The following SCAPER variants were observed in gnomAD, a reference collection of about 807,000 sequenced individuals.
SCAPER encodes the protein S phase cyclin A-associated protein in the endoplasmic reticulum.
In SCAPER, 98 loss-of-function variants were observed where a neutral mutation model predicts 182.2. The ratio of observed to expected loss-of-function variants is 0.54; its 90% CI spans 0.46 to 0.64. SCAPER has a LOEUF of 0.64. Ranked by LOEUF, SCAPER falls within the 30% of genes least tolerant of loss-of-function variation. SCAPER has a pLI of 0.00. For missense variants in SCAPER, 1,432 were observed against 1,690.0 expected (o/e 0.85, Z 2.68); for synonymous variants, 605 against 564.6 (o/e 1.07, Z -1.01).
chr15:76,483,136 T>C (rs1297028443), intron 24 of SCAPER, among the ~76,000 whole-genome samples: 1 of 151,786 alleles, frequency 6.6e-6, no homozygotes, highest in African/African-American at 2.4e-5. Flanking sequence ...GTGGTATTGG[T>C]GAAAAAAATA....
At chr15:76,667,838 C>A (rs2056729277) in intron 20 of SCAPER, among the ~76,000 whole-genome samples, 1 of 151,396 alleles carries the variant, frequency 6.6e-6, no homozygotes. Context: ...CTGTACATAC[C>A]TGTAATCCCA....
intron 17 of SCAPER, among the ~76,000 whole-genome samples, chr15:76,724,229 T>C (rs928715430): frequency 2.6e-5 from 4 of 151,336 alleles, no homozygotes; most frequent in Admixed American, 6.6e-5. Flanking sequence ...AAAATTCTTT[T>C]CTTTAAGAAT....
chr15:76,748,279 C>T (rs548756843), intron 15 of SCAPER, among the ~76,000 whole-genome samples: 20 of 152,146 alleles, frequency 1.3e-4, no homozygotes, highest in Admixed American at 8.5e-4. Context: ...CGTGAGCCAC[C>T]GCGCCTGGCC....
intron 5 of SCAPER, among the ~76,000 whole-genome samples, chr15:76,834,279 C>T (rs377396057): frequency 6.6e-6 from 1 of 152,044 alleles, no homozygotes; most frequent in Non-Finnish European, 1.5e-5. Context: ...AGATAGAAAT[C>T]AAAAAATTCT....
intron 29 of SCAPER, among the ~76,000 whole-genome samples, chr15:76,372,774 A>G (rs2042269786): frequency 6.6e-6 from 1 of 152,220 alleles, no homozygotes; most frequent in Non-Finnish European, 1.5e-5. Context: ...TTTTAGGTAA[A>G]CCATGAATGT....
chr15:76,710,816 T>C (rs1475419366), intron 17 of SCAPER, among the ~76,000 whole-genome samples: 1 of 152,068 alleles, frequency 6.6e-6, no homozygotes, highest in Non-Finnish European at 1.5e-5. Flanking sequence ...GTTGGAGTAT[T>C]TATACTAATT....
At chr15:76,468,237 G>T (rs1332129672) in intron 25 of SCAPER, among the ~76,000 whole-genome samples, 2 of 151,820 alleles carry the variant, frequency 1.3e-5, no homozygotes, top group African/African-American at 4.8e-5. Flanking sequence ...CACAAACCCA[G>T]TTACAGCAAC....
intron 5 of SCAPER, among the ~76,000 whole-genome samples, chr15:76,818,476 T>C (rs2067256724): frequency 6.6e-6 from 1 of 152,130 alleles, no homozygotes; most frequent in Non-Finnish European, 1.5e-5. Flanking sequence ...CAAAAACTTC[T>C]GCTCTGCAAA....
At chr15:76,664,666 A>G (rs542248039) in intron 21 of SCAPER, among the ~76,000 whole-genome samples, 82 of 152,276 alleles carry the variant, frequency 5.4e-4, no homozygotes, top group African/African-American at 2.0e-3. Flanking sequence ...TAAAACATTC[A>G]AAAGTATCAA....
At chr15:76,533,657 G>C (rs115557065) in intron 23 of SCAPER, among the ~76,000 whole-genome samples, 7 of 122,820 alleles carry the variant, frequency 5.7e-5, no homozygotes, top group Middle Eastern at 3.6e-3. Context: ...CATATCTTAA[G>C]CAATGTTAAA....
At chr15:76,642,620 A>G (rs779198518) in intron 21 of SCAPER, among the ~76,000 whole-genome samples, 1 of 152,166 alleles carries the variant, frequency 6.6e-6, no homozygotes, top group Non-Finnish European at 1.5e-5. Context: ...TATTACCAGC[A>G]ACGCACAGAT....
At chr15:76,579,956 T>A (rs1175714246) in intron 22 of SCAPER, among the ~76,000 whole-genome samples, 1 of 152,102 alleles carries the variant, frequency 6.6e-6, no homozygotes, top group Admixed American at 6.5e-5. Context: ...AAAGGGTCAA[T>A]TCAGTAAAAC....
intron 2 of SCAPER, among the ~76,000 whole-genome samples, chr15:76,875,834 T>A (rs1156238272): frequency 6.6e-6 from 1 of 151,538 alleles, no homozygotes; most frequent in East Asian, 1.9e-4. Flanking sequence ...ACCCAAAGAG[T>A]GAGCAGCAGC....
chr15:76,714,809 C>A (rs919256616), intron 17 of SCAPER, among the ~76,000 whole-genome samples: 1 of 152,036 alleles, frequency 6.6e-6, no homozygotes, highest in African/African-American at 2.4e-5. Flanking sequence ...TAATTTATAT[C>A]GGTAAATTGC....
intron 8 of SCAPER, among the ~76,000 whole-genome samples, chr15:76,783,161 GAAGA>G (rs978334973): frequency 3.9e-4 from 60 of 151,996 alleles, no homozygotes; most frequent in African/African-American, 1.4e-3. Context: ...AGAAAAGAGA[GAAGA>G]ATCAAATAGA....
intron 15 of SCAPER, among the ~76,000 whole-genome samples, chr15:76,735,546 A>G (rs1210644728): frequency 6.6e-6 from 1 of 151,682 alleles, no homozygotes; most frequent in Non-Finnish European, 1.5e-5. Context: ...AAAATACAAA[A>G]AAAAAATTAG....
intron 20 of SCAPER, among the ~76,000 whole-genome samples, chr15:76,685,395 T>C (rs2147059656): frequency 6.6e-6 from 1 of 152,192 alleles, no homozygotes; most frequent in African/African-American, 2.4e-5. Flanking sequence ...GTAGTGTGAT[T>C]ATTTACATAG....
Position 76,581,415 on chromosome 15 carries a change from T to C in SCAPER, c.2712-7131A>G, listed in dbSNP as rs558979229. On this transcript the variant is annotated intron_variant, in intron 22 of 31. Transcript: ENST00000563290. ...ACTGATATAAAAATCCTCAACAAAA[T>C]ACAAGCAAATGGAATTCAACAACAC... Among the ~76,000 whole-genome samples, 3 of 152,138 alleles carry C rather than the reference T, an allele frequency of 2.0e-5. No individual in the cohort carries two copies. The South Asian group carries it at 6.2e-4, about 32-fold the overall frequency.
chr15:76,576,363 A>T (rs188183929), intron 22 of SCAPER, among the ~76,000 whole-genome samples: 1 of 152,322 alleles, frequency 6.6e-6, no homozygotes, highest in Non-Finnish European at 1.5e-5. Flanking sequence ...TCATCTCTAA[A>T]AAGAAAAAAA....
Sources: gnomAD v4.1 joint callset for allele counts (sites outside exome capture counted in the v4.1 genomes callset) on GRCh38, gnomAD v4.1.1 for gene constraint, MANE v1.5 for transcripts, NCBI Gene and HGNC (gene_info 2026-07-23, HGNC 2026-07-21) for gene names.